Variants in HHLA2 observed in about 807,000 individuals in gnomAD.
HHLA2 encodes HERV-H LTR-associating protein 2.
Under a neutral mutation model 45.9 loss-of-function variants are expected in HHLA2, and 48 were observed. The ratio of observed to expected loss-of-function variants is 1.05; its 90% CI spans 0.83 to 1.33. The LOEUF (loss-of-function observed/expected upper bound fraction) is 1.33, where lower values mean the gene tolerates loss of function less well. HHLA2 is among the 40% of genes most tolerant of loss of function. The pLI is 0.00. For missense variants in HHLA2, 462 were observed against 494.3 expected (o/e 0.93, Z 0.62); for synonymous variants, 161 against 173.9 (o/e 0.93, Z 0.59).
At chr3:108,323,182 A>G (rs542204188) in intron 2 of HHLA2, among the ~76,000 whole-genome samples, 2 of 152,290 alleles carry the variant, frequency 1.3e-5, no homozygotes, top group South Asian at 2.1e-4. Flanking sequence ...AATGGAATAG[A>G]AAGAATGAAT....
At chr3:108,368,042 G>C (rs13073300) in intron 8 of HHLA2, among the ~76,000 whole-genome samples, 54,471 of 151,918 alleles carry the variant, frequency 0.36, 10,373 homozygotes, top group African/African-American at 0.47. Flanking sequence ...GAAGAGAGTG[G>C]GGGCCAATAT....
intron 3 of HHLA2, among the ~76,000 whole-genome samples, chr3:108,340,622 C>A (rs571481981): frequency 6.6e-6 from 1 of 152,134 alleles, no homozygotes; most frequent in South Asian, 2.1e-4. Context: ...AGTCTATATA[C>A]CAAATTAAAG....
exon 7 of HHLA2, chr3:108,357,979 A>G: frequency 6.2e-7 from 1 of 1,613,806 alleles, no homozygotes; most frequent in Non-Finnish European, 8.5e-7. Context: ...CTGGCTTACT[A>G]TCTGAGCTCC....
intron 5 of HHLA2, 136 bp from the exon 5 acceptor site, chr3:108,354,979 C>T: frequency 1.2e-6 from 1 of 825,852 alleles, no homozygotes; most frequent in Non-Finnish European, 1.8e-6. Context: ...GTTTGTTTTC[C>T]CTTTCAGTAA....
intron 6 of HHLA2, among the ~76,000 whole-genome samples, chr3:108,357,527 T>C (rs552690140): frequency 6.6e-6 from 1 of 152,184 alleles, no homozygotes; most frequent in African/African-American, 2.4e-5. Flanking sequence ...TTGAGTTTAA[T>C]AGGCTAGTAA....
chr3:108,325,841 C>T (rs2081279046), intron 2 of HHLA2: 2 of 365,994 alleles, frequency 5.5e-6, no homozygotes, highest in Admixed American at 6.3e-5. Flanking sequence ...ACCTCCACGA[C>T]CACCACTCAC....
At chr3:108,323,654 T>C (rs1035345294) in intron 2 of HHLA2, among the ~76,000 whole-genome samples, 1 of 152,170 alleles carries the variant, frequency 6.6e-6, no homozygotes, top group African/African-American at 2.4e-5. Context: ...TTCATATTAT[T>C]GGATTCTGGT....
intron 2 of HHLA2, chr3:108,311,833 T>C (rs1032285972): frequency 2.6e-5 from 4 of 152,260 alleles, no homozygotes; most frequent in Admixed American, 6.5e-5. Flanking sequence ...ACAGCTGTTT[T>C]GGTAAGTATA....
At chr3:108,347,924 C>T (rs6764455) in intron 3 of HHLA2, among the ~76,000 whole-genome samples, 102,663 of 151,778 alleles carry the variant, frequency 0.68, 35,589 homozygotes, top group African/African-American at 0.77. Flanking sequence ...AGGATAGTTT[C>T]TGCTGTTTTG....
At chr3:108,366,978 C>A (rs756431179) in intron 8 of HHLA2, among the ~76,000 whole-genome samples, 8 of 152,180 alleles carry the variant, frequency 5.3e-5, no homozygotes, top group Non-Finnish European at 5.9e-5. Flanking sequence ...CAGGCTGGTG[C>A]CCCTCTGGGA....
chr3:108,331,674 T>G (rs2081387889), intron 3 of HHLA2, among the ~76,000 whole-genome samples: 1 of 152,146 alleles, frequency 6.6e-6, no homozygotes, highest in Non-Finnish European at 1.5e-5. Flanking sequence ...CCAGCATATT[T>G]TAATAAGAAC....
intron 2 of HHLA2, among the ~76,000 whole-genome samples, chr3:108,319,555 G>C (rs1445260879): frequency 6.6e-6 from 1 of 152,128 alleles, no homozygotes; most frequent in African/African-American, 2.4e-5. Context: ...TGACCATAAA[G>C]AGTCACAAAA....
chr3:108,361,665 G>A (rs368250190), intron 7 of HHLA2, among the ~76,000 whole-genome samples: 6 of 152,012 alleles, frequency 3.9e-5, no homozygotes, highest in South Asian at 4.2e-4. Context: ...TATGCATAGC[G>A]TTCAGTACTA....
chr3:108,311,085 G>A (rs1043483409), intron 2 of HHLA2, among the ~76,000 whole-genome samples: 3 of 152,126 alleles, frequency 2.0e-5, no homozygotes, highest in Non-Finnish European at 4.4e-5. Flanking sequence ...ATGTACTTAG[G>A]AAATTGTTCT....
exon 11 of HHLA2, chr3:108,377,939 A>C (rs9842588): frequency 6.6e-6 from 1 of 152,216 alleles, no homozygotes; most frequent in African/African-American, 2.4e-5. Context: ...GCCTAAAGTA[A>C]CTGAAGATCC....
intron 8 of HHLA2, 55 bp from the exon 8 acceptor site, chr3:108,375,695 A>G (rs1379058061): frequency 1.3e-6 from 2 of 1,582,678 alleles, no homozygotes; most frequent in African/African-American, 1.3e-5. Flanking sequence ...CCTTACAGGG[A>G]AACAGCTGGG....
At chr3:108,359,865 T>C (rs1465786818) in intron 7 of HHLA2, among the ~76,000 whole-genome samples, 5 of 152,172 alleles carry the variant, frequency 3.3e-5, no homozygotes, top group South Asian at 2.1e-4. Flanking sequence ...CTAAACCCTA[T>C]ATATGCATTC....
chr3:108,314,618 G>A (rs895197609), intron 2 of HHLA2, among the ~76,000 whole-genome samples: 4 of 152,168 alleles, frequency 2.6e-5, no homozygotes, highest in Non-Finnish European at 5.9e-5. Flanking sequence ...AAGCTGAGAA[G>A]ACGGGAAGGT....
At chr3:108,354,870 T>A (rs961241332) in intron 5 of HHLA2, among the ~76,000 whole-genome samples, 1 of 152,210 alleles carries the variant, frequency 6.6e-6, no homozygotes, top group Non-Finnish European at 1.5e-5. Context: ...TCTAGAAAAT[T>A]GAGATTGCTA....
Sources: gnomAD v4.1 joint callset for allele counts (sites outside exome capture counted in the v4.1 genomes callset) on GRCh38, gnomAD v4.1.1 for gene constraint, MANE v1.5 for transcripts, NCBI Gene and HGNC (gene_info 2026-07-23, HGNC 2026-07-21) for gene names.